The following STX8 variants were observed in gnomAD, a reference collection of about 807,000 sequenced individuals.
The protein encoded by STX8 is syntaxin 8.
A neutral mutation model predicts 37.5 loss-of-function variants in STX8; 23 were observed. The ratio of observed to expected loss-of-function variants is 0.61; its 90% CI spans 0.44 to 0.87. The LOEUF is 0.87. Ranked by LOEUF, STX8 falls within the 40% of genes least tolerant of loss-of-function variation. The pLI is 0.00. For missense variants in STX8, 313 were observed against 284.7 expected (o/e 1.10, Z -0.71); for synonymous variants, 115 against 99.1 (o/e 1.16, Z -0.95).
intron 6 of STX8, among the ~76,000 whole-genome samples, chr17:9,449,331 C>G (rs569455841): frequency 6.6e-6 from 1 of 152,300 alleles, no homozygotes; most frequent in East Asian, 1.9e-4. Context: ...GAGGCCAAGG[C>G]GAGCGGATCA....
intron 6 of STX8, among the ~76,000 whole-genome samples, chr17:9,385,349 C>T (rs1394382278): frequency 6.6e-6 from 1 of 151,976 alleles, no homozygotes; most frequent in Admixed American, 6.6e-5. Context: ...TCTGTTCATC[C>T]AAAGATACTA....
At chr17:9,293,847 C>T (rs868636682) in intron 7 of STX8, among the ~76,000 whole-genome samples, 19 of 151,816 alleles carry the variant, frequency 1.3e-4, no homozygotes, top group South Asian at 2.1e-4. Context: ...CTGCAAGCTC[C>T]GCCTCCCGGG....
intron 6 of STX8, among the ~76,000 whole-genome samples, chr17:9,410,568 G>A (rs1306207926): frequency 1.3e-5 from 2 of 152,164 alleles, no homozygotes; most frequent in Non-Finnish European, 2.9e-5. Context: ...GAAAAGCTAC[G>A]CATAGTGCAG....
chr17:9,346,751 A>G (rs1426552277), intron 7 of STX8, among the ~76,000 whole-genome samples: 1 of 152,230 alleles, frequency 6.6e-6, no homozygotes, highest in African/African-American at 2.4e-5. Context: ...AGGGGTGGCT[A>G]CACTGAATCT....
intron 7 of STX8, among the ~76,000 whole-genome samples, chr17:9,289,577 C>A (rs1383278379): frequency 2.0e-4 from 30 of 150,292 alleles, no homozygotes; most frequent in Non-Finnish European, 3.0e-5. Context: ...AGGGGAAAAT[C>A]CATCCTGGCT....
At chr17:9,330,426 A>T (rs1306642418) in intron 7 of STX8, among the ~76,000 whole-genome samples, 1 of 151,256 alleles carries the variant, frequency 6.6e-6, no homozygotes, top group Non-Finnish European at 1.5e-5. Flanking sequence ...AACCACTCCC[A>T]CCCCCCAACC....
At chr17:9,364,987 G>GGATGAGGAGAAGAGAAAGT (rs1191525371) in intron 7 of STX8, among the ~76,000 whole-genome samples, 6,489 of 150,004 alleles carry the variant, frequency 0.043, 435 homozygotes, top group African/African-American at 0.13. Flanking sequence ...GCCAGAAATA[G>GGATGAGGAGAAGAGAAAGT]GATGAGGAGA....
intron 7 of STX8, among the ~76,000 whole-genome samples, chr17:9,263,145 C>T (rs1907107389): frequency 1.3e-5 from 2 of 152,282 alleles, no homozygotes; most frequent in South Asian, 4.1e-4. Context: ...TGCACTCCAG[C>T]CTGGGTGACA....
intron 5 of STX8, among the ~76,000 whole-genome samples, chr17:9,493,932 T>C (rs576838826): frequency 6.6e-6 from 1 of 152,254 alleles, no homozygotes; most frequent in South Asian, 2.1e-4. Context: ...AAACACTGTA[T>C]AGCCACTGAA....
chr17:9,252,649 C>T (rs1489890878), intron 7 of STX8, among the ~76,000 whole-genome samples: 1 of 146,046 alleles, frequency 6.8e-6, no homozygotes, highest in Non-Finnish European at 1.5e-5. Context: ...AAAAAAAAAA[C>T]TAGGGCAAGC....
In STX8 at chr17:9,494,084, C is replaced by T. The variant is rs1404230825; in HGVS notation, c.449-2163G>A. On this transcript the variant is annotated intron_variant, in intron 5 of 7. Coordinates refer to ENST00000306357, the MANE Select transcript of STX8 (RefSeq NM_004853.3). Reference sequence around the variant, plus strand: ...AGGCTGGAGTGCAGTGGCGCGATCTCGGCTCACTGCAAGCTCCACCTCCCG... The same window carrying T: ...AGGCTGGAGTGCAGTGGCGCGATCTTGGCTCACTGCAAGCTCCACCTCCCG... Among the ~76,000 whole-genome samples the T allele has an allele frequency of 2.6e-5, 4 of 151,326 alleles. No individual in the cohort carries two copies. The South Asian group carries it at 6.3e-4, about 24-fold the overall frequency.
At chr17:9,534,679 T>C (rs1905957486) in intron 4 of STX8, among the ~76,000 whole-genome samples, 1 of 151,994 alleles carries the variant, frequency 6.6e-6, no homozygotes, top group African/African-American at 2.4e-5. Flanking sequence ...TCCCAGCTAC[T>C]TGGGAGGCTG....
chr17:9,429,348 T>C lies in STX8; in HGVS notation c.542-50695A>G, dbSNP rs1264355224. 1.4e-4 allele frequency among the ~76,000 whole-genome samples: 20 copies of C among 145,736 alleles called. 1 individual carries two copies. Among genetic ancestry groups the C allele is most frequent in the Admixed American group, 1.3e-3 (19 of 14,266 alleles). ...TATATATTTTATATACATATATTTA[T>C]ATATAATATATAATAAATATTTATA... is the stretch of plus-strand genomic sequence containing the variant. On this transcript the variant is annotated intron_variant, in intron 6 of 7. Transcript: ENST00000306357.
At chr17:9,317,758 T>C (rs1458944893) in intron 7 of STX8, among the ~76,000 whole-genome samples, 1 of 148,432 alleles carries the variant, frequency 6.7e-6, no homozygotes, top group Non-Finnish European at 1.5e-5. Context: ...AGTGAGACTC[T>C]GTCTCAGAAA....
Position 9,544,083 on chromosome 17 carries a change from T to C in STX8, c.323+1089A>G, listed in dbSNP as rs151309667. On this transcript the variant is annotated intron_variant, in intron 4 of 7. Transcript: ENST00000306357. ...ACCTGTCAGAGGTGGAGTCTGACAA[T>C]GCACGGCTAGGGTCCAAAACCACTG... Among the ~76,000 whole-genome samples, 433 of 152,222 alleles carry C rather than the reference T, an allele frequency of 2.8e-3. 3 individuals carry two copies. Among genetic ancestry groups the C allele is most frequent in the African/African-American group, 9.8e-3 (406 of 41,554 alleles).
intron 6 of STX8, among the ~76,000 whole-genome samples, chr17:9,423,982 A>G (rs1243579636): frequency 6.6e-6 from 1 of 152,134 alleles, no homozygotes. Flanking sequence ...TCGGCACACA[A>G]GTCAGCCATG....
At chr17:9,469,753 C>T (rs911914743) in intron 6 of STX8, 1 of 152,112 alleles carries the variant, frequency 6.6e-6, no homozygotes, top group African/African-American at 2.4e-5. Flanking sequence ...TTATCGTCAC[C>T]CCTAGAGATG....
chr17:9,364,818 G>C (rs1032684814), intron 7 of STX8, among the ~76,000 whole-genome samples: 1 of 152,160 alleles, frequency 6.6e-6, no homozygotes, highest in Non-Finnish European at 1.5e-5. Context: ...ACAGGCATGA[G>C]CTACCGCGCC....
intron 7 of STX8, among the ~76,000 whole-genome samples, chr17:9,305,080 G>A (rs1358770848): frequency 6.6e-6 from 1 of 151,660 alleles, no homozygotes; most frequent in Non-Finnish European, 1.5e-5. Context: ...AATTACATGA[G>A]ATATTAAATA....
Sources: allele counts gnomAD v4.1 joint callset (sites outside exome capture counted in the v4.1 genomes callset), GRCh38; gene constraint gnomAD v4.1.1; transcripts MANE v1.5; gene names NCBI Gene and HGNC (gene_info 2026-07-23, HGNC 2026-07-21).